Variants in PAK6 observed in about 807,000 individuals in gnomAD.
The protein encoded by PAK6 is p21 (RAC1) activated kinase 6.
Under a neutral mutation model 60.8 loss-of-function variants are expected in PAK6, and 33 were observed. The ratio of observed to expected loss-of-function variants is 0.54; its 90% CI spans 0.41 to 0.73. PAK6 has a LOEUF of 0.73. Ranked by LOEUF, PAK6 falls within the 30% of genes least tolerant of loss-of-function variation. PAK6 has a pLI of 0.00. For synonymous variants in PAK6, 404 were observed against 378.5 expected (o/e 1.07, Z -0.78); for missense variants, 845 against 904.1 (o/e 0.93, Z 0.84).
intron 3 of PAK6, among the ~76,000 whole-genome samples, chr15:40,261,455 T>C (rs1171743101): frequency 6.6e-6 from 1 of 151,970 alleles, no homozygotes; most frequent in African/African-American, 2.4e-5. Flanking sequence ...GAGAATCACT[T>C]GAACCCGGGA....
At chr15:40,264,352 T>C in intron 3 of PAK6, 2 of 444,184 alleles carry the variant, frequency 4.5e-6, no homozygotes, top group Non-Finnish European at 9.0e-6. Context: ...ACTCTCCTTA[T>C]CTGGTTTTAA....
chr15:40,273,421 C>T, exon 8 of PAK6: 2 of 1,613,988 alleles, frequency 1.2e-6, no homozygotes, highest in African/African-American at 2.7e-5. Context: ...CTCAGGGTGT[C>T]ATCCACCGGG....
At chr15:40,266,314 A>G in exon 5 of PAK6, 1 of 1,611,994 alleles carries the variant, frequency 6.2e-7, no homozygotes, top group East Asian at 2.2e-5. Flanking sequence ...GGCTCTGAGG[A>G]GGCCCGGCCA....
exon 5 of PAK6, chr15:40,265,884 T>C: frequency 6.4e-7 from 1 of 1,570,182 alleles, no homozygotes; most frequent in Non-Finnish European, 8.7e-7. Flanking sequence ...TGGCTACATC[T>C]CGGGGCTGCT....
intron 3 of PAK6, 148 bp from the exon 4 acceptor site, chr15:40,264,633 G>A: frequency 1.5e-6 from 1 of 681,058 alleles, no homozygotes; most frequent in Non-Finnish European, 2.6e-6. Flanking sequence ...TTTCCCTGAG[G>A]AAGCAGAGAT....
chr15:40,260,006 C>T (rs915515283), intron 3 of PAK6: 2 of 152,014 alleles, frequency 1.3e-5, no homozygotes, highest in Non-Finnish European at 2.9e-5. Context: ...TTAAAAACCC[C>T]CTACCCCTAA....
At chr15:40,269,010 C>T (rs2039228078) in intron 5 of PAK6, among the ~76,000 whole-genome samples, 1 of 152,164 alleles carries the variant, frequency 6.6e-6, no homozygotes, top group African/African-American at 2.4e-5. Context: ...GGTAAGCCCT[C>T]AATAAATGGC....
At chr15:40,266,827 G>A (rs553457914) in intron 5 of PAK6, 3 of 272,340 alleles carry the variant, frequency 1.1e-5, no homozygotes, top group South Asian at 1.3e-4. Context: ...TGCTTCAGAC[G>A]CACATTTTTC....
In PAK6 at chr15:40,264,133, C is replaced by T. The variant is rs183071109; in HGVS notation, c.-5-648C>T. On this transcript the variant is annotated intron_variant, in intron 3 of 10. Coordinates refer to ENST00000560346, the Ensembl canonical transcript of PAK6. ...TCCCTGATACATAATAGTCCCACAC[C>T]GGGCAGCATGTCTGTGATCAGCTGG... 2.2e-3 allele frequency among the ~76,000 whole-genome samples: 332 copies of T among 152,178 alleles called. 1 individual carries two copies. The Middle Eastern group carries it at 0.024, about 11-fold the overall frequency.
intron 3 of PAK6, among the ~76,000 whole-genome samples, chr15:40,263,349 C>T (rs2140975938): frequency 6.6e-6 from 1 of 152,330 alleles, no homozygotes; most frequent in Non-Finnish European, 1.5e-5. Flanking sequence ...TTCTGAGCCT[C>T]TTCAGATCCA....
intron 3 of PAK6, among the ~76,000 whole-genome samples, chr15:40,254,156 G>T (rs867644743): frequency 5.3e-5 from 8 of 152,168 alleles, no homozygotes; most frequent in South Asian, 2.1e-4. Context: ...TAGACAAGTT[G>T]CTTCACTTCT....
intron 2 of PAK6, chr15:40,251,402 T>G (rs1337008384): frequency 1.3e-5 from 2 of 152,118 alleles, no homozygotes; most frequent in Non-Finnish European, 2.9e-5. Context: ...CTGAGCTCTA[T>G]TAGGTGGGCG....
At chr15:40,260,467 A>G (rs1220044519) in intron 3 of PAK6, 1 of 152,164 alleles carries the variant, frequency 6.6e-6, no homozygotes, top group African/African-American at 2.4e-5. Context: ...TCTATTTGTC[A>G]ATTCCGTACT....
At chr15:40,252,312 G>C in intron 2 of PAK6, 1 of 1,241,806 alleles carries the variant, frequency 8.1e-7, no homozygotes. Context: ...TCGGGTCTCC[G>C]CGAGGCGGCC....
Position 40,275,280 on chromosome 15 carries a change from GTTT to G in PAK6, c.1879-627_1879-625del, listed in dbSNP as rs869058525. Among the ~76,000 whole-genome samples the G allele has an allele frequency of 2.1e-4, 12 of 56,486 alleles. 1 individual carries two copies. Among genetic ancestry groups the G allele is most frequent in the Non-Finnish European group, 3.1e-4 (10 of 32,504 alleles). 37.1% of individuals were successfully genotyped at this position (56,486 alleles called of 152,430 possible). ...GACTTGTTTGTTTCTGTTGTTGTTG[GTTT>G]TTTTTTTTTTTTTTTTTTTGGAGAT... On this transcript the variant is annotated intron_variant, in intron 10 of 10. Transcript: ENST00000560346.
chr15:40,248,694 C>T lies in PAK6; in HGVS notation c.-117-4484C>T, dbSNP rs144170498. 7.4e-4 allele frequency among the ~76,000 whole-genome samples: 113 copies of T among 152,224 alleles called. 2 individuals are homozygous for T. The East Asian group carries it at 0.015, about 20-fold the overall frequency. On this transcript the variant is annotated intron_variant, in intron 2 of 10. Transcript: ENST00000560346. ...ACCCAGTGCCATGTGGGGGTCCTCG[C>T]GTGTTACACAGAAATAGGAAGGGAC...
At chr15:40,252,669 T>C in intron 2 of PAK6, 1 of 1,314,556 alleles carries the variant, frequency 7.6e-7, no homozygotes, top group Non-Finnish European at 1.0e-6. Flanking sequence ...TCTTCGAGCG[T>C]TCCTGGGCTT....
exon 11 of PAK6, chr15:40,276,034 G>A (rs1566860169): frequency 1.2e-6 from 2 of 1,613,442 alleles, no homozygotes; most frequent in East Asian, 2.2e-5. Context: ...TGCAGACAGG[G>A]CTACCTGAGT....
At chr15:40,270,328 C>T (rs2039266130) in intron 5 of PAK6, among the ~76,000 whole-genome samples, 1 of 152,202 alleles carries the variant, frequency 6.6e-6, no homozygotes, top group African/African-American at 2.4e-5. Context: ...CCCACTTATG[C>T]AGAGTTTCTC....
Sources: allele counts gnomAD v4.1 joint callset (sites outside exome capture counted in the v4.1 genomes callset), GRCh38; gene constraint gnomAD v4.1.1; transcripts MANE v1.5; gene names NCBI Gene and HGNC (gene_info 2026-07-23, HGNC 2026-07-21).